Variants in SLC1A6 observed in about 807,000 individuals in gnomAD.
SLC1A6 encodes the protein excitatory amino acid transporter 4.
Under a neutral mutation model 42.1 loss-of-function variants are expected in SLC1A6, and 15 were observed. That is an observed-to-expected ratio of 0.36 (90% CI 0.24 to 0.55). The LOEUF (loss-of-function observed/expected upper bound fraction) is 0.55. Among genes scored for constraint, SLC1A6 ranks in the 20% least tolerant of loss-of-function variants. The pLI is 0.88. For missense variants in SLC1A6, 542 were observed against 772.5 expected, an observed-to-expected ratio of 0.70 and a Z score of 3.54; for synonymous variants, 317 against 319.7, an observed-to-expected ratio of 0.99 and a Z score of 0.09.
intron 1 of SLC1A6, among the ~76,000 whole-genome samples, chr19:15,002,991 T>C (rs1236033790): frequency 6.6e-6 from 1 of 152,142 alleles, no homozygotes; most frequent in African/African-American, 2.4e-5. Flanking sequence ...GTTGTTATTT[T>C]GTTTTTTGTA....
At position 14,979,697 on chromosome 19, in the gene SLC1A6, G is replaced by C. The variant is rs1365510874; in HGVS notation, c.-396C>G. ...GCGGAGCCGGGACGCGCTATGCTGC[G>C]GGAGGGATCCGGGCCGGCCCTGCGC... On this transcript the variant is annotated 5_prime_UTR_variant, in exon 1 of 10. Transcript: ENST00000594383. The surrounding 1 kb of genome is among the most constrained non-coding windows in gnomAD (Gnocchi z 4.2). The C allele has an allele frequency of 6.6e-6, 1 of 152,064 alleles. No homozygotes were observed. The highest frequency in any genetic ancestry group is 1.5e-5 in the Non-Finnish European group (1 of 68,080). 9.4% of individuals were successfully genotyped at this position (152,064 alleles called of 1,614,324 possible). A position where few individuals can be genotyped will look rare whatever the true frequency, so the allele number is the denominator to read the frequency against.
chr19:15,007,307 C>T (rs4808827), intron 1 of SLC1A6, among the ~76,000 whole-genome samples: 59,777 of 152,032 alleles, frequency 0.39, 12,787 homozygotes, highest in East Asian at 0.55. Context: ...TAGTGTGAGA[C>T]TCCATTGACA....
chr19:14,956,302 G>A (rs2045462513), intron 7 of SLC1A6, among the ~76,000 whole-genome samples, 174 bp downstream of exon 7: 1 of 152,160 alleles, frequency 6.6e-6, no homozygotes, highest in Non-Finnish European at 1.5e-5. Flanking sequence ...GAGACCAGGA[G>A]AGCCAGCCCA....
intron 4 of SLC1A6, among the ~76,000 whole-genome samples, chr19:14,966,747 G>A (rs929350341): frequency 6.6e-6 from 1 of 151,896 alleles, no homozygotes; most frequent in East Asian, 1.9e-4. Flanking sequence ...GAAGCTGGAA[G>A]CCATCATTCT....
chr19:14,993,479 A>G (rs1423563363), intron 1 of SLC1A6, among the ~76,000 whole-genome samples: 1 of 152,176 alleles, frequency 6.6e-6, no homozygotes, highest in East Asian at 1.9e-4. Context: ...TCTCCTTCTC[A>G]TTCCTGGCTA....
chr19:14,967,836 G>A (rs2045591427), intron 4 of SLC1A6, among the ~76,000 whole-genome samples: 1 of 152,214 alleles, frequency 6.6e-6, no homozygotes, highest in Admixed American at 6.5e-5. Context: ...GATTGGACAA[G>A]AGACTGATTT....
At chr19:14,950,652 C>A (rs140208216) in intron 9 of SLC1A6, among the ~76,000 whole-genome samples, 4,871 of 151,976 alleles carry the variant, frequency 0.032, 121 homozygotes, top group Non-Finnish European at 0.037. Context: ...GTGTGGTTTA[C>A]AGAAAAAAGA....
chr19:14,982,745 A>T (rs7254315), upstream of SLC1A6, among the ~76,000 whole-genome samples: 84,612 of 152,082 alleles, frequency 0.56, 23,754 homozygotes, highest in South Asian at 0.63. Flanking sequence ...GTCTTAATTT[A>T]AAAAGATCCT....
intron 3 of SLC1A6, 29 bp downstream of exon 3, chr19:14,971,708 G>A (rs758430214): frequency 6.2e-7 from 1 of 1,611,534 alleles, no homozygotes; most frequent in Admixed American, 1.7e-5. Flanking sequence ...ACGGGTCTTG[G>A]AGGCCAACAC....
At chr19:14,991,967 A>G (rs937543107) in intron 1 of SLC1A6, among the ~76,000 whole-genome samples, 2 of 152,126 alleles carry the variant, frequency 1.3e-5, no homozygotes, top group African/African-American at 4.8e-5. Context: ...CTGGGATTAC[A>G]GGTGCCTACC....
chr19:14,988,847 A>T (rs980868716), intron 1 of SLC1A6, among the ~76,000 whole-genome samples: 1 of 152,004 alleles, frequency 6.6e-6, no homozygotes, highest in Non-Finnish European at 1.5e-5. Flanking sequence ...GCAAGATCCC[A>T]TCTCTACAAA....
At chr19:15,000,938 T>C (rs1248165220) in intron 1 of SLC1A6, among the ~76,000 whole-genome samples, 2 of 152,150 alleles carry the variant, frequency 1.3e-5, no homozygotes, top group Non-Finnish European at 2.9e-5. Context: ...CCCATAACAG[T>C]AGATAAGCCC....
chr19:14,980,032 C>G (rs1600024121), upstream of SLC1A6: 1 of 152,492 alleles, frequency 6.6e-6, no homozygotes, highest in African/African-American at 2.4e-5. Context: ...CCCGCTCCAG[C>G]AGCCTCGGCG....
At chr19:14,986,703 A>T (rs776676256) in intron 1 of SLC1A6, among the ~76,000 whole-genome samples, 5 of 150,870 alleles carry the variant, frequency 3.3e-5, no homozygotes, top group Non-Finnish European at 5.9e-5. Context: ...TGATGCTTCC[A>T]CCTCAGCCTC....
chr19:14,961,052 C>T (rs180847697), intron 6 of SLC1A6, among the ~76,000 whole-genome samples: 167 of 147,892 alleles, frequency 1.1e-3, no homozygotes, highest in African/African-American at 4.1e-3. Flanking sequence ...GCTGGGACTA[C>T]AGCTGCATGC....
At chr19:14,961,828 A>T in intron 6 of SLC1A6, 174 bp downstream of exon 6, 1 of 887,982 alleles carries the variant, frequency 1.1e-6, no homozygotes, top group Non-Finnish European at 1.6e-6. Context: ...GAAGTCAACT[A>T]GTGATGAAAT....
rs138937772 is a variant in SLC1A6, at chr19:14,962,136, G to A, written c.801C>T (p.Asn267=). 1.4e-4 allele frequency: 226 copies of A among 1,614,184 alleles called. No homozygotes were observed. In the African/African-American group the frequency reaches 1.7e-3, roughly 12 times the overall value. The change falls in exon 6 of 10, where the codon AAC becomes AAT. Residue 267 remains asparagine (N), a synonymous_variant. Coordinates refer to ENST00000594383, the MANE Select transcript of SLC1A6 (RefSeq NM_005071.3). ...CAGAGAAGACCACGAGGCCCAGGGC[G>A]TTGATGCCATTGGCGGAGCCAGGCA... ...VPVPGSANGI[N]ALGLVVFSVA... is the part of the protein sequence containing the mutation.
chr19:14,954,260 C>T lies in SLC1A6; in HGVS notation c.1239G>A (p.Arg413=). 1 of 1,613,946 alleles carries T rather than the reference C, an allele frequency of 6.2e-7. No individual in the cohort carries two copies. Among genetic ancestry groups the T allele is most frequent in the Non-Finnish European group, 8.5e-7 (1 of 1,180,054 alleles). Residue 413 remains arginine (R), a synonymous_variant, in exon 8 of 10, where the codon AGG becomes AGA. Coordinates refer to ENST00000594383, the MANE Select transcript of SLC1A6 (RefSeq NM_005071.3). Reference sequence around the variant, plus strand: ...CCGTGGCGCCCACGGGCAGGACGAACCTGGTGATGCGGCGGTCCACACCCA... The same window carrying T: ...CCGTGGCGCCCACGGGCAGGACGAATCTGGTGATGCGGCGGTCCACACCCA... ...EGLGVDRRIT[R]FVLPVGATVN... is the part of the protein sequence containing the mutation.
Position 14,962,164 on chromosome 19 carries a change from G to T in SLC1A6, c.773C>A (p.Pro258His). The T allele has an allele frequency of 6.2e-7, 1 of 1,614,182 alleles. No homozygotes were observed. The highest frequency in any genetic ancestry group is 8.5e-7 in the Non-Finnish European group (1 of 1,180,034). Residue 258 changes from proline (P) to histidine (H), a missense_variant, in exon 6 of 10, where the codon CCC becomes CAC. Around this residue, in one of 6 missense-constraint regions of SLC1A6, gnomAD observed 298 missense variants for 419.4 expected, o/e 0.71. Transcript: ENST00000594383. ...QEMLSFEETV[P>H]VPGSANGINA... is the part of the protein sequence containing the mutation. The stretch of plus-strand genomic sequence containing the variant: ...GATGCCATTGGCGGAGCCAGGCACG[G>T]GTACAGTCTCCTCAAAGCTCAGCAT...
Sources: allele counts gnomAD v4.1 joint callset (sites outside exome capture counted in the v4.1 genomes callset), GRCh38; gene constraint gnomAD v4.1.1; regional missense constraint gnomAD v4.1.1; non-coding constraint Gnocchi (gnomAD v3.1); transcripts MANE v1.5; gene names NCBI Gene and HGNC (gene_info 2026-07-23, HGNC 2026-07-21).